KIAA0586: variants seen among roughly 807,000 people sequenced by gnomAD.
KIAA0586 encodes the protein protein TALPID3.
A neutral mutation model predicts 169.8 loss-of-function variants in KIAA0586; 144 were observed. That is an observed-to-expected ratio of 0.85 (90% CI 0.74 to 0.97). KIAA0586 has a LOEUF of 0.97. Among genes scored for constraint, KIAA0586 ranks in the 50% least tolerant of loss-of-function variants. The pLI is 0.00. For missense variants in KIAA0586, 1,854 were observed against 1,823.0 expected, an observed-to-expected ratio of 1.02 and a Z score of -0.31; for synonymous variants, 625 against 612.4, an observed-to-expected ratio of 1.02 and a Z score of -0.30.
chr14:58,432,328 T>C (rs1282490291), intron 3 of KIAA0586, 60 bp from the exon 4 acceptor site: 2 of 1,014,778 alleles, frequency 2.0e-6, no homozygotes, highest in African/African-American at 3.4e-5. Context: ...TTTAGTAGCT[T>C]ATTAAAGTTT....
chr14:58,450,737 T>C lies in KIAA0586; in HGVS notation c.1120T>C (p.Cys374Arg), dbSNP rs1333592956. 1.3e-6 allele frequency: 2 copies of C among 1,592,588 alleles called. No homozygotes were observed. The highest frequency in any genetic ancestry group is 1.1e-5 in the South Asian group (1 of 89,956). The change falls in exon 8 of 31, where the codon TGT (cysteine) becomes CGT (arginine). Residue 374 changes from cysteine (C) to arginine (R), a missense_variant. Transcript: ENST00000652326. ...AGAAAAAGAAAATATGGAAGTGTCG[T>C]GTCACAGAGGTAATAGAGACTTTTA... ...LEEKENMEVSCHRGNVRLLEQ... is the reference protein window; with the variant it reads ...LEEKENMEVSRHRGNVRLLEQ...
intron 14 of KIAA0586, among the ~76,000 whole-genome samples, chr14:58,465,024 A>T (rs2040634927): frequency 6.6e-6 from 1 of 152,132 alleles, no homozygotes; most frequent in Admixed American, 6.6e-5. Context: ...TTGAGCTAAG[A>T]TCGCACCACT....
chr14:58,521,015 A>T (rs2045177090), intron 29 of KIAA0586: 1 of 311,134 alleles, frequency 3.2e-6, no homozygotes, highest in Admixed American at 4.4e-5. Flanking sequence ...CTCTCCCGGG[A>T]TAAAAAGAAG....
At chr14:58,521,609 C>T in intron 29 of KIAA0586, 1 of 1,034,314 alleles carries the variant, frequency 9.7e-7, no homozygotes, top group Non-Finnish European at 1.5e-6. Context: ...TAAGAGAGGA[C>T]AGCGGGGATC....
At chr14:58,443,422 A>G (rs1225525631) in intron 5 of KIAA0586, among the ~76,000 whole-genome samples, 6 of 152,156 alleles carry the variant, frequency 3.9e-5, no homozygotes, top group Non-Finnish European at 5.9e-5. Flanking sequence ...TCATAAAATT[A>G]TTTGTGGCAG....
intron 26 of KIAA0586, among the ~76,000 whole-genome samples, chr14:58,497,649 C>T (rs188827415): frequency 2.1e-4 from 32 of 151,988 alleles, no homozygotes; most frequent in African/African-American, 7.5e-4. Context: ...TGAGCCACCA[C>T]GCCAGGCCTC....
At chr14:58,469,528 A>G (rs1392686412) in intron 16 of KIAA0586, among the ~76,000 whole-genome samples, 1 of 152,194 alleles carries the variant, frequency 6.6e-6, no homozygotes, top group Non-Finnish European at 1.5e-5. Context: ...AACCCGGTCA[A>G]TGTGTATTGA....
intron 27 of KIAA0586, among the ~76,000 whole-genome samples, chr14:58,500,381 C>T (rs1037300043): frequency 1.1e-4 from 16 of 152,152 alleles, no homozygotes; most frequent in African/African-American, 3.9e-4. Flanking sequence ...ATATTTTCTC[C>T]ATAAGACACA....
intron 27 of KIAA0586, among the ~76,000 whole-genome samples, chr14:58,506,448 G>A (rs2043946442): frequency 6.6e-6 from 1 of 152,048 alleles, no homozygotes; most frequent in Non-Finnish European, 1.5e-5. Context: ...GGAGAACGAG[G>A]TGAGCGGATC....
chr14:58,494,570 G>C (rs1006996108), intron 26 of KIAA0586, among the ~76,000 whole-genome samples: 8 of 152,088 alleles, frequency 5.3e-5, no homozygotes, highest in Non-Finnish European at 4.4e-5. Flanking sequence ...AAGAAGAGGG[G>C]AGGAGAGAGC....
In KIAA0586 at chr14:58,457,899, T is replaced by A. The variant is rs963266833; in HGVS notation, c.1503T>A (p.Leu501=). ...GAGTACAAAACAATAAAAAAGTACT[T>A]GAAGAAAACCTGGAAGCTATTATTC... ...LRGVQNNKKV[L]EENLEAIIRA... The change falls in exon 11 of 31, where the codon CTT becomes CTA. Residue 501 remains leucine (L), a synonymous_variant. Transcript: ENST00000652326. 1.9e-6 allele frequency: 3 copies of A among 1,606,600 alleles called. No homozygotes were observed. The highest frequency in any genetic ancestry group is 2.7e-5 in the African/African-American group (2 of 74,846).
intron 28 of KIAA0586, among the ~76,000 whole-genome samples, chr14:58,509,008 C>T (rs553183830): frequency 6.6e-5 from 10 of 152,188 alleles, no homozygotes; most frequent in African/African-American, 2.2e-4. Flanking sequence ...GACAGTGGAT[C>T]GCTTGAGTCC....
At chr14:58,442,998 C>T (rs2038535022) in intron 5 of KIAA0586, 118 bp downstream of exon 5, 2 of 726,238 alleles carry the variant, frequency 2.8e-6, no homozygotes, top group African/African-American at 1.8e-5. Flanking sequence ...TAGTTGCTCT[C>T]AATTTGAAAG....
intron 9 of KIAA0586, among the ~76,000 whole-genome samples, chr14:58,455,035 T>A (rs971520537): frequency 3.3e-5 from 5 of 152,174 alleles, no homozygotes; most frequent in African/African-American, 1.2e-4. Context: ...TCCCCAATTA[T>A]CCTCATATTC....
intron 29 of KIAA0586, among the ~76,000 whole-genome samples, chr14:58,524,379 A>G (rs145542829): frequency 8.5e-5 from 13 of 152,360 alleles, no homozygotes; most frequent in African/African-American, 3.1e-4. Flanking sequence ...AGTATTCCTC[A>G]AACTTTAACA....
chr14:58,437,342 C>T (rs1368454533), intron 4 of KIAA0586, among the ~76,000 whole-genome samples: 2 of 152,178 alleles, frequency 1.3e-5, no homozygotes, highest in East Asian at 1.9e-4. Flanking sequence ...TGGGGGATAA[C>T]TTATTCTGGG....
chr14:58,482,826 T>C, intron 21 of KIAA0586, 114 bp downstream of exon 21: 5 of 756,344 alleles, frequency 6.6e-6, no homozygotes, highest in East Asian at 3.0e-5. Context: ...TTTAGAGACA[T>C]GGTCTTTATT....
rs559069967 is a variant in KIAA0586, at chr14:58,439,195, C to CT, written c.411-3502dup. Among the ~76,000 whole-genome samples the CT allele has an allele frequency of 1.7e-3, 255 of 150,332 alleles. 2 individuals are homozygous for CT. The highest frequency in any genetic ancestry group is 7.0e-3 in the Middle Eastern group (2 of 286). On this transcript the variant is annotated intron_variant, in intron 4 of 30. Coordinates refer to ENST00000652326, the MANE Select transcript of KIAA0586 (RefSeq NM_001329943.3). ...TGGACTGCCATTGCTTTTTTTCTTT[C>CT]TTTTTTTTTGAGACGGAGTCTCGCT...
At chr14:58,533,071 C>A (rs1039088258) in intron 29 of KIAA0586, among the ~76,000 whole-genome samples, 39 of 152,090 alleles carry the variant, frequency 2.6e-4, no homozygotes, top group African/African-American at 9.2e-4. Flanking sequence ...AATACTGTAC[C>A]ACCTAATGGA....
Sources: gnomAD v4.1 joint callset for allele counts (sites outside exome capture counted in the v4.1 genomes callset) on GRCh38, gnomAD v4.1.1 for gene constraint, MANE v1.5 for transcripts, NCBI Gene and HGNC (gene_info 2026-07-23, HGNC 2026-07-21) for gene names.